RERE: variants seen among roughly 807,000 people sequenced by gnomAD.
The protein encoded by RERE is arginine-glutamic acid dipeptide repeats, also known as arginine-glutamic acid dipeptide repeats protein.
RERE carries 40 observed loss-of-function variants against 146.1 expected under a neutral mutation model. The observed-to-expected ratio is 0.27, with a 90% CI of 0.21 to 0.36. The LOEUF is 0.36. Ranked by LOEUF, RERE falls within the 10% of genes least tolerant of loss-of-function variation. The probability of loss-of-function intolerance (pLI) is 1.00; values close to 1 mark genes in which losing one functional copy is unlikely to be tolerated. For missense variants in RERE, 1,933 were observed against 2,138.7 expected (o/e 0.90, Z 1.90); for synonymous variants, 1,003 against 866.0 (o/e 1.16, Z -2.78).
intron 19 of RERE, among the ~76,000 whole-genome samples, chr1:8,359,563 C>A (rs888580168): frequency 6.6e-6 from 1 of 152,228 alleles, no homozygotes; most frequent in South Asian, 2.1e-4. Context: ...CAGCCTAGAC[C>A]TGCCATGCGC....
chr1:8,537,607 C>T (rs1645744210), intron 7 of RERE, among the ~76,000 whole-genome samples: 1 of 152,104 alleles, frequency 6.6e-6, no homozygotes, highest in Non-Finnish European at 1.5e-5. Flanking sequence ...GATGCTTTAT[C>T]AGTATTAATA....
In RERE at chr1:8,423,482, G is replaced by A; in HGVS notation, c.1204-675C>T. ...CAGACTCGTCCCTAACCCCAGCCCG[G>A]AGACTTTCACTTTGTCCCATGCCTC... On this transcript the variant is annotated intron_variant, in intron 11 of 22. Transcript: ENST00000400908. This position sits in a 1 kb window ranked among gnomAD's most constrained non-coding sequence, Gnocchi z 5.4. The A allele has an allele frequency of 1.1e-6, 1 of 946,352 alleles. No homozygotes were observed. Among genetic ancestry groups the A allele is most frequent in the South Asian group, 4.9e-5 (1 of 20,590 alleles). 58.6% of individuals were successfully genotyped at this position (946,352 alleles called of 1,614,324 possible).
intron 1 of RERE, among the ~76,000 whole-genome samples, chr1:8,813,615 T>A (rs1483446241): frequency 5.8e-3 from 166 of 28,464 alleles, no homozygotes; most frequent in Non-Finnish European, 2.8e-3. Flanking sequence ...TATTTTTTCC[T>A]TTTTTTTTTT....
At position 8,541,186 on chromosome 1, in the gene RERE, A is replaced by G. The variant is rs1421605839; in HGVS notation, c.830+28T>C. Reference sequence around the variant, plus strand: ...AAATGAGAAAAGGAAAAGAGTTCTCAATGAATGGACACAAGTGACTCACTT... The same window carrying G: ...AAATGAGAAAAGGAAAAGAGTTCTCGATGAATGGACACAAGTGACTCACTT... On this transcript the variant is annotated intron_variant, in intron 7 of 22. Transcript: ENST00000400908. The G allele has an allele frequency of 3.2e-6, 4 of 1,239,880 alleles. No individual in the cohort carries two copies. In the African/African-American group the frequency reaches 4.5e-5, roughly 14 times the overall value. 76.8% of individuals were successfully genotyped at this position (1,239,880 alleles called of 1,614,324 possible).
At chr1:8,391,390 A>C (rs1225976615) in intron 12 of RERE, among the ~76,000 whole-genome samples, 1 of 152,168 alleles carries the variant, frequency 6.6e-6, no homozygotes, top group Non-Finnish European at 1.5e-5. Context: ...GGAGCACACA[A>C]GGTCCCCATG....
intron 3 of RERE, among the ~76,000 whole-genome samples, chr1:8,617,781 A>G (rs1297622975): frequency 2.6e-5 from 4 of 152,248 alleles, no homozygotes; most frequent in Non-Finnish European, 5.9e-5. Flanking sequence ...AGTCAGTCAT[A>G]TGGAAAACTC....
At chr1:8,445,672 C>T (rs1644307584) in intron 11 of RERE, among the ~76,000 whole-genome samples, 1 of 151,972 alleles carries the variant, frequency 6.6e-6, no homozygotes, top group Non-Finnish European at 1.5e-5. Context: ...CCACCTGCGG[C>T]AGGAACCCCA....
chr1:8,666,146 A>G (rs984992650), intron 1 of RERE, among the ~76,000 whole-genome samples: 2 of 152,238 alleles, frequency 1.3e-5, no homozygotes, highest in Non-Finnish European at 2.9e-5. Context: ...AGGTGCTGCC[A>G]GGCTACTGAG....
intron 1 of RERE, among the ~76,000 whole-genome samples, chr1:8,722,169 G>A (rs899952461): frequency 2.6e-5 from 4 of 152,160 alleles, no homozygotes; most frequent in Admixed American, 1.3e-4. Context: ...ATCTTTAAAC[G>A]ATATTTGTTG....
chr1:8,361,922 A>G (rs778740056), intron 16 of RERE, 46 bp from the exon 17 acceptor site: 33 of 1,329,430 alleles, frequency 2.5e-5, no homozygotes, highest in Non-Finnish European at 3.0e-5. Context: ...AAGGGAGACC[A>G]TCCCATCAGC....
intron 4 of RERE, among the ~76,000 whole-genome samples, chr1:8,598,443 G>T (rs1271599530): frequency 6.6e-6 from 1 of 152,174 alleles, no homozygotes; most frequent in African/African-American, 2.4e-5. Flanking sequence ...TGCTGGGTGG[G>T]TTGCACCGTT....
intron 1 of RERE, among the ~76,000 whole-genome samples, chr1:8,802,025 A>G (rs1173222064): frequency 6.6e-6 from 1 of 152,254 alleles, no homozygotes; most frequent in African/African-American, 2.4e-5. Context: ...TTATATATGC[A>G]GAGAAAATGT....
At chr1:8,671,164 T>C (rs897810342) in intron 1 of RERE, among the ~76,000 whole-genome samples, 2 of 152,120 alleles carry the variant, frequency 1.3e-5, no homozygotes, top group African/African-American at 4.8e-5. Flanking sequence ...CTAATAACCA[T>C]GGGGCTGGAT....
intron 1 of RERE, among the ~76,000 whole-genome samples, chr1:8,785,764 G>A (rs1157803334): frequency 6.6e-6 from 1 of 152,116 alleles, no homozygotes; most frequent in African/African-American, 2.4e-5. Flanking sequence ...TGAGATTACA[G>A]GTGCCAACCA....
intron 10 of RERE, among the ~76,000 whole-genome samples, chr1:8,492,214 G>A (rs911227440): frequency 6.6e-6 from 1 of 152,182 alleles, no homozygotes; most frequent in Admixed American, 6.5e-5. Context: ...ATCTCTGGGA[G>A]TGCTAACAAA....
chr1:8,466,017 C>A lies in RERE; in HGVS notation c.1111G>T (p.Glu371Ter). The A allele has an allele frequency of 1.2e-6, 2 of 1,608,530 alleles. No homozygotes were observed. The highest frequency in any genetic ancestry group is 2.2e-5 in the South Asian group (2 of 90,982). The change falls in exon 11 of 23, where the codon GAA (glutamate) becomes TAA (stop). Residue 371 changes from glutamate (E) to a stop codon, truncating the protein, a stop_gained. Transcript: ENST00000400908. LOFTEE classifies it high-confidence loss of function. ...GCTTTGCCAGCATCGTAACCGCTTT[C>A]ATGCAGCTAAAACAACAACAATTAT... The part of the protein sequence containing the change: ...TTLNALNTLH[E>*]SGYDAGKALQ...
intron 1 of RERE, among the ~76,000 whole-genome samples, chr1:8,733,885 T>G (rs1020674319): frequency 7.2e-5 from 11 of 152,330 alleles, no homozygotes; most frequent in African/African-American, 2.4e-4. Flanking sequence ...CTGGATCACC[T>G]GAGGTCAGGA....
chr1:8,693,834 A>C (rs1304101699), intron 1 of RERE, among the ~76,000 whole-genome samples: 1 of 152,132 alleles, frequency 6.6e-6, no homozygotes, highest in African/African-American at 2.4e-5. Flanking sequence ...ACTGGGAGTT[A>C]GGGGGGATGC....
intron 4 of RERE, among the ~76,000 whole-genome samples, chr1:8,601,984 A>C (rs1646637511): frequency 6.6e-6 from 1 of 152,216 alleles, no homozygotes; most frequent in Admixed American, 6.5e-5. Context: ...CTCACAACAA[A>C]AGTGCACCCT....
Sources: gnomAD v4.1 joint callset for allele counts (sites outside exome capture counted in the v4.1 genomes callset) on GRCh38, gnomAD v4.1.1 for gene constraint, Gnocchi (gnomAD v3.1) non-coding constraint, MANE v1.5 for transcripts, NCBI Gene and HGNC (gene_info 2026-07-23, HGNC 2026-07-21) for gene names.